Variants in SGCZ observed in about 807,000 individuals in gnomAD.
SGCZ encodes zeta-sarcoglycan.
A neutral mutation model predicts 41.3 loss-of-function variants in SGCZ; 40 were observed. The observed-to-expected ratio is 0.97, with a 90% CI of 0.75 to 1.26. SGCZ has a LOEUF of 1.26. Among genes scored for constraint, SGCZ ranks in the 50% most tolerant of loss-of-function variants. The pLI, the probability that SGCZ is intolerant of heterozygous loss-of-function variation, is 0.00. For synonymous variants in SGCZ, 206 were observed against 137.5 expected (o/e 1.50, Z -3.49); for missense variants, 552 against 369.8 (o/e 1.49, Z -4.04).
chr8:14,315,481 G>A (rs1801684773), intron 3 of SGCZ, among the ~76,000 whole-genome samples: 1 of 151,856 alleles, frequency 6.6e-6, no homozygotes, highest in Admixed American at 6.6e-5. Flanking sequence ...GTGATGCAAG[G>A]GGATAAGGAT....
intron 3 of SGCZ, among the ~76,000 whole-genome samples, chr8:14,257,450 T>C (rs1799505994): frequency 6.6e-6 from 1 of 151,932 alleles, no homozygotes; most frequent in African/African-American, 2.4e-5. Context: ...CTTTCTTTTT[T>C]TTTAATACAT....
chr8:14,746,550 A>T (rs374405082), intron 1 of SGCZ, among the ~76,000 whole-genome samples: 37 of 152,134 alleles, frequency 2.4e-4, no homozygotes, highest in African/African-American at 6.0e-4. Flanking sequence ...CAGGATGTGT[A>T]AATAAAATAA....
Position 15,186,262 on chromosome 8 carries a change from C to CA in SGCZ, c.39+51322dup, listed in dbSNP as rs61237091. Among the ~76,000 whole-genome samples the CA allele has an allele frequency of 2.1e-3, 168 of 80,710 alleles. 11 individuals are homozygous for CA. The highest frequency in any genetic ancestry group is 7.0e-3 in the Middle Eastern group (1 of 142). 52.9% of individuals were successfully genotyped at this position (80,710 alleles called of 152,430 possible). A position where few individuals can be genotyped will look rare whatever the true frequency, so the allele number is the denominator to read the frequency against. ...GGGCAACAGAGGGAAGATTCCGTAC[C>CA]AAAAAAAAAAAAAAAAAAAAAAAAA... On this transcript the variant is annotated intron_variant, in intron 1 of 7. Coordinates refer to ENST00000382080, the MANE Select transcript of SGCZ (RefSeq NM_139167.4).
At chr8:14,855,371 G>T (rs1803510018) in intron 1 of SGCZ, among the ~76,000 whole-genome samples, 1 of 151,962 alleles carries the variant, frequency 6.6e-6, no homozygotes, top group Non-Finnish European at 1.5e-5. Flanking sequence ...TCTTGATCTG[G>T]GTATCAAGTC....
intron 7 of SGCZ, among the ~76,000 whole-genome samples, chr8:14,097,386 T>G (rs982428259): frequency 4.6e-5 from 7 of 152,328 alleles, no homozygotes; most frequent in African/African-American, 1.7e-4. Flanking sequence ...TTGTTCAGTT[T>G]CCATATGGTT....
intron 4 of SGCZ, among the ~76,000 whole-genome samples, chr8:14,172,434 G>C (rs1804415096): frequency 6.6e-6 from 1 of 151,890 alleles, no homozygotes; most frequent in Non-Finnish European, 1.5e-5. Context: ...TAGACATGCA[G>C]GAATGAATAA....
intron 1 of SGCZ, among the ~76,000 whole-genome samples, chr8:14,616,453 T>A (rs1049980426): frequency 2.6e-5 from 4 of 152,138 alleles, no homozygotes; most frequent in Non-Finnish European, 5.9e-5. Flanking sequence ...TTTTTACTAG[T>A]AGGTTTACAC....
chr8:14,773,352 C>T (rs1437036454), intron 1 of SGCZ, among the ~76,000 whole-genome samples: 1 of 152,114 alleles, frequency 6.6e-6, no homozygotes, highest in East Asian at 1.9e-4. Context: ...AATATTGATT[C>T]ATATCTGACC....
chr8:14,527,021 T>G (rs1802970315), intron 2 of SGCZ, among the ~76,000 whole-genome samples: 1 of 152,014 alleles, frequency 6.6e-6, no homozygotes, highest in Admixed American at 6.6e-5. Context: ...TTCTCAATAT[T>G]CTGAGACATC....
At chr8:15,100,432 T>C (rs887591084) in intron 1 of SGCZ, among the ~76,000 whole-genome samples, 2 of 152,022 alleles carry the variant, frequency 1.3e-5, no homozygotes, top group African/African-American at 4.8e-5. Flanking sequence ...AACCGCAAAA[T>C]ACTGATGAAA....
At chr8:14,400,584 T>A (rs977209105) in intron 2 of SGCZ, among the ~76,000 whole-genome samples, 2 of 152,124 alleles carry the variant, frequency 1.3e-5, no homozygotes, top group Non-Finnish European at 2.9e-5. Context: ...TCTTTTAAAT[T>A]ATCAGGTTAC....
chr8:14,778,622 AAATC>A (rs571273021), intron 1 of SGCZ, among the ~76,000 whole-genome samples: 72 of 152,340 alleles, frequency 4.7e-4, no homozygotes, highest in Non-Finnish European at 9.1e-4. Flanking sequence ...ACACACGTGT[AAATC>A]AATAAGGAAA....
At chr8:14,432,914 C>CAAAAAAAAAAAAAAAAAAAAAA (rs767979164) in intron 2 of SGCZ, among the ~76,000 whole-genome samples, 5 of 75,604 alleles carry the variant, frequency 6.6e-5, no homozygotes, top group Middle Eastern at 9.8e-3. Context: ...ACTGTGTCTC[C>CAAAAAAAAAAAAAAAAAAAAAA]AAAAAAAAAA....
At chr8:14,858,715 T>C (rs1266030662) in intron 1 of SGCZ, among the ~76,000 whole-genome samples, 1 of 152,164 alleles carries the variant, frequency 6.6e-6, no homozygotes, top group Non-Finnish European at 1.5e-5. Flanking sequence ...TTTTGTAACA[T>C]AATACATTGG....
intron 1 of SGCZ, among the ~76,000 whole-genome samples, chr8:14,815,110 G>C (rs772928012): frequency 6.6e-6 from 1 of 152,126 alleles, no homozygotes; most frequent in African/African-American, 2.4e-5. Flanking sequence ...TCAAAAGGCA[G>C]GGTATTTGTT....
At chr8:14,154,440 C>G (rs1046212508) in intron 5 of SGCZ, among the ~76,000 whole-genome samples, 3 of 152,096 alleles carry the variant, frequency 2.0e-5, no homozygotes, top group African/African-American at 7.2e-5. Flanking sequence ...CCACTCAGTT[C>G]ATGGTATTTT....
intron 3 of SGCZ, among the ~76,000 whole-genome samples, chr8:14,322,846 A>T (rs572514478): frequency 8.9e-4 from 136 of 152,286 alleles, no homozygotes; most frequent in African/African-American, 3.2e-3. Context: ...ACTGTCAAAG[A>T]TGGTGACTAT....
rs534660638 is a variant in SGCZ at position 14,129,345 on chromosome 8, C to CAAAAAAAAA, written c.548-21119_548-21111dup. ...TGGGTGACAGAGCGAGACTCCGTCTCAAAAAAAAAAAAAAAAAAAAAAAAA... is the reference window on the plus strand; with the variant it reads ...TGGGTGACAGAGCGAGACTCCGTCTCAAAAAAAAAAAAAAAAAAAAAAAAAAAAAAAAAA... On this transcript the variant is annotated intron_variant, in intron 5 of 7. Coordinates refer to ENST00000382080, the MANE Select transcript of SGCZ (RefSeq NM_139167.4). 6.8e-5 allele frequency among the ~76,000 whole-genome samples: 3 copies of CAAAAAAAAA among 44,148 alleles called. 1 individual carries two copies. The highest frequency in any genetic ancestry group is 1.2e-4 in the African/African-American group (2 of 16,502). 29.0% of individuals were successfully genotyped at this position (44,148 alleles called of 152,430 possible).
Position 14,620,417 on chromosome 8 carries a change from A to G in SGCZ, c.40-65491T>C, listed in dbSNP as rs184114103. ...GTCTAAAACACCAAAAGCAATGGCAACAAAAGCCAAAATTGACAAATGGGA... is the reference window on the plus strand; with the variant it reads ...GTCTAAAACACCAAAAGCAATGGCAGCAAAAGCCAAAATTGACAAATGGGA... On this transcript the variant is annotated intron_variant, in intron 1 of 7. Coordinates refer to ENST00000382080, the MANE Select transcript of SGCZ (RefSeq NM_139167.4). Among the ~76,000 whole-genome samples, 602 of 152,294 alleles carry G rather than the reference A, an allele frequency of 4.0e-3. 4 individuals are homozygous for G. Among genetic ancestry groups the G allele is most frequent in the African/African-American group, 0.012 (492 of 41,544 alleles).
Sources: gnomAD v4.1 joint callset for allele counts (sites outside exome capture counted in the v4.1 genomes callset) on GRCh38, gnomAD v4.1.1 for gene constraint, MANE v1.5 for transcripts, NCBI Gene and HGNC (gene_info 2026-07-23, HGNC 2026-07-21) for gene names.